Variants in SCHIP1 observed in about 807,000 individuals in gnomAD.
The protein encoded by SCHIP1 is schwannomin interacting protein 1, also known as schwannomin-interacting protein 1.
Under a neutral mutation model 29.7 loss-of-function variants are expected in SCHIP1, and 8 were observed. The ratio of observed to expected loss-of-function variants is 0.27; its 90% CI spans 0.16 to 0.49. The LOEUF is 0.49. Ranked by LOEUF, SCHIP1 falls within the 20% of genes least tolerant of loss-of-function variation. The pLI is 0.99. For missense variants in SCHIP1, 193 were observed against 294.6 expected, an observed-to-expected ratio of 0.66 and a Z score of 2.52; for synonymous variants, 76 against 94.9, an observed-to-expected ratio of 0.80 and a Z score of 1.16.
the SCHIP1 span, among the ~76,000 whole-genome samples, chr3:159,588,095 A>G: frequency 6.6e-6 from 1 of 152,182 alleles, no homozygotes; most frequent in African/African-American, 2.4e-5. Context: ...ACAGTGTAGA[A>G]GTGTTCCTAT....
the SCHIP1 span, among the ~76,000 whole-genome samples, chr3:159,404,691 A>G: frequency 6.6e-6 from 1 of 152,186 alleles, no homozygotes; most frequent in Non-Finnish European, 1.5e-5. Flanking sequence ...CTTGGAACCC[A>G]CCCAGGACTA....
At chr3:159,393,970 TG>T in the SCHIP1 span, among the ~76,000 whole-genome samples, 2 of 152,142 alleles carry the variant, frequency 1.3e-5, no homozygotes, top group Non-Finnish European at 2.9e-5. Context: ...TCCATTTGTT[TG>T]TATCCTCTTT....
the SCHIP1 span, among the ~76,000 whole-genome samples, chr3:159,554,110 T>A: frequency 6.6e-6 from 1 of 151,524 alleles, no homozygotes; most frequent in African/African-American, 2.4e-5. Context: ...GACCTCGTGA[T>A]CCGCCCGCCT....
At chr3:159,499,769 C>G in the SCHIP1 span, among the ~76,000 whole-genome samples, 202 of 152,328 alleles carry the variant, frequency 1.3e-3, no homozygotes, top group South Asian at 0.024. Context: ...AGTTGTTTTA[C>G]ATGCCTAGTA....
At chr3:159,887,442 G>A in intron 3 of SCHIP1, 1 of 386,182 alleles carries the variant, frequency 2.6e-6, no homozygotes, top group East Asian at 5.0e-5. Flanking sequence ...AAGTTTTGAG[G>A]CCAAGAATCA....
the SCHIP1 span, among the ~76,000 whole-genome samples, chr3:159,323,693 G>T: frequency 6.6e-6 from 1 of 152,198 alleles, no homozygotes. Context: ...CAAAGGCTAT[G>T]TATTCAAAGC....
At chr3:159,292,024 A>G in the SCHIP1 span, among the ~76,000 whole-genome samples, 4 of 152,190 alleles carry the variant, frequency 2.6e-5, no homozygotes, top group Non-Finnish European at 2.9e-5. Context: ...GTTTAGTATT[A>G]GATAGTATCA....
the SCHIP1 span, among the ~76,000 whole-genome samples, chr3:159,670,281 C>G: frequency 1.3e-5 from 2 of 152,154 alleles, no homozygotes; most frequent in African/African-American, 2.4e-5. Context: ...GGCTTCTTCT[C>G]ACTAATGTTC....
chr3:159,866,281 G>A (rs767522191), exon 2 of SCHIP1: 7 of 1,612,720 alleles, frequency 4.3e-6, no homozygotes, highest in Admixed American at 1.7e-5. Flanking sequence ...CTTTCCTCCC[G>A]GTGAGTGTTC....
chr3:159,402,845 T>C, the SCHIP1 span, among the ~76,000 whole-genome samples: 1 of 152,138 alleles, frequency 6.6e-6, no homozygotes, highest in African/African-American at 2.4e-5. Context: ...GACGAGTTGA[T>C]GGGTGCAGCA....
chr3:159,573,064 C>T, the SCHIP1 span, among the ~76,000 whole-genome samples: 1 of 151,930 alleles, frequency 6.6e-6, no homozygotes, highest in Non-Finnish European at 1.5e-5. Context: ...ACTCTTTATC[C>T]AATTTGCCAG....
the SCHIP1 span, among the ~76,000 whole-genome samples, chr3:159,760,047 C>T: frequency 9.2e-6 from 1 of 109,140 alleles, no homozygotes; most frequent in Non-Finnish European, 1.7e-5. Context: ...ACCCCAGTCT[C>T]ATGGTGGCTT....
chr3:159,281,752 CT>C, the SCHIP1 span, among the ~76,000 whole-genome samples: 4 of 152,062 alleles, frequency 2.6e-5, no homozygotes, highest in African/African-American at 9.7e-5. Context: ...GTAATATTCT[CT>C]GTCTCATTTT....
At chr3:159,496,278 T>C in the SCHIP1 span, among the ~76,000 whole-genome samples, 1 of 152,138 alleles carries the variant, frequency 6.6e-6, no homozygotes, top group African/African-American at 2.4e-5. Flanking sequence ...CTAAAGAGCT[T>C]CTGCACAGCA....
At chr3:159,352,730 C>T in the SCHIP1 span, among the ~76,000 whole-genome samples, 1 of 151,728 alleles carries the variant, frequency 6.6e-6, no homozygotes, top group Non-Finnish European at 1.5e-5. Context: ...AATGATTTTC[C>T]TATTGCTATA....
chr3:159,878,634 C>T (rs1447665353), intron 2 of SCHIP1, among the ~76,000 whole-genome samples: 4 of 146,788 alleles, frequency 2.7e-5, no homozygotes, highest in South Asian at 2.1e-4. Flanking sequence ...AAAAATTAGC[C>T]GGGCGTAGTG....
At chr3:159,331,662 A>G in the SCHIP1 span, among the ~76,000 whole-genome samples, 1 of 152,086 alleles carries the variant, frequency 6.6e-6, no homozygotes, top group African/African-American at 2.4e-5. Flanking sequence ...TCATCTCTTC[A>G]AAGATCCTTA....
chr3:159,467,504 AAAAAT>A, the SCHIP1 span, among the ~76,000 whole-genome samples: 1 of 152,060 alleles, frequency 6.6e-6, no homozygotes, highest in Non-Finnish European at 1.5e-5. Context: ...ACTTAAAAAA[AAAAAT>A]AAAAAGAACT....
the SCHIP1 span, among the ~76,000 whole-genome samples, chr3:159,333,038 G>T: frequency 6.6e-6 from 1 of 152,132 alleles, no homozygotes; most frequent in Non-Finnish European, 1.5e-5. Context: ...AAAAAGAAGA[G>T]ATGATACTGA....
Sources: gnomAD v4.1 joint callset for allele counts (sites outside exome capture counted in the v4.1 genomes callset) on GRCh38, gnomAD v4.1.1 for gene constraint, MANE v1.5 for transcripts, NCBI Gene and HGNC (gene_info 2026-07-23, HGNC 2026-07-21) for gene names.